The following LBH variants were observed in gnomAD, a reference collection of about 807,000 sequenced individuals.
LBH encodes LBH regulator of Wnt signaling pathway.
A neutral mutation model predicts 12.5 loss-of-function variants in LBH; 7 were observed. The observed-to-expected ratio is 0.56, with a 90% CI of 0.32 to 1.05. The LOEUF is 1.05. Ranked by LOEUF, LBH falls within the 50% of genes least tolerant of loss-of-function variation. The pLI is 0.04. For missense variants in LBH, 119 were observed against 138.9 expected (o/e 0.86, Z 0.72); for synonymous variants, 51 against 50.1 (o/e 1.02, Z -0.08).
chr2:30,232,278 C>G, intron 1 of LBH: 1 of 1,495,618 alleles, frequency 6.7e-7, no homozygotes, highest in Non-Finnish European at 8.9e-7. Flanking sequence ...CGTAACCCCA[C>G]TAAAGCCACA....
At chr2:30,246,069 AT>A (rs1393891772) in intron 2 of LBH, among the ~76,000 whole-genome samples, 1 of 150,290 alleles carries the variant, frequency 6.7e-6, no homozygotes, top group Non-Finnish European at 1.5e-5. Context: ...AGGGATTCTC[AT>A]GCCTCAGCCT....
chr2:30,236,523 A>G (rs896122369), intron 2 of LBH, among the ~76,000 whole-genome samples: 1 of 152,242 alleles, frequency 6.6e-6, no homozygotes, highest in African/African-American at 2.4e-5. Flanking sequence ...TTGGAACTTC[A>G]GAGCACTCTG....
chr2:30,242,222 A>G (rs908042946), intron 2 of LBH, among the ~76,000 whole-genome samples: 3 of 151,974 alleles, frequency 2.0e-5, no homozygotes, highest in African/African-American at 7.3e-5. Flanking sequence ...ACTGTTACAT[A>G]TATGTTATTA....
Position 30,232,427 on chromosome 2 carries a change from G to A in LBH, c.26+663G>A, listed in dbSNP as rs1386786155. The A allele has an allele frequency of 5.1e-6, 3 of 593,236 alleles. No individual in the cohort carries two copies. The Admixed American group carries it at 1.1e-4, about 22-fold the overall frequency. The allele number at this position is 593,236 out of a possible 1,614,324, so 36.7% of individuals were successfully genotyped here. On this transcript the variant is annotated intron_variant, in intron 1 of 2. Transcript: ENST00000395323. ...GGGGAAGGAGCCCGGGCCGGGCGCG[G>A]GGCGTCGGAGGTTTGCCCCGGACTG...
At chr2:30,245,584 CTG>C (rs1281153623) in intron 2 of LBH, among the ~76,000 whole-genome samples, 2 of 152,164 alleles carry the variant, frequency 1.3e-5, no homozygotes, top group African/African-American at 4.8e-5. Context: ...TCTTTGGACA[CTG>C]TGACACAGAG....
At position 30,246,737 on chromosome 2, in the gene LBH, TTC is replaced by T. The variant is rs1335324511; in HGVS notation, c.130-10690_130-10689del. 2.5e-5 allele frequency among the ~76,000 whole-genome samples: 3 copies of T among 121,728 alleles called. No homozygotes were observed. In the Admixed American group the frequency reaches 2.6e-4, roughly 11 times the overall value. 79.9% of individuals were successfully genotyped at this position (121,728 alleles called of 152,430 possible). A position where few individuals can be genotyped will look rare whatever the true frequency, so the allele number is the denominator to read the frequency against. On this transcript the variant is annotated intron_variant, in intron 2 of 2. Transcript: ENST00000395323. ...CTTCACTAGTTTTTTTCCTCTTTCT[TTC>T]TCTCTTTCTCTTTTTTCCTTCCTTC...
In LBH at chr2:30,259,345, A is replaced by T. The variant is rs1678149544; in HGVS notation, c.*1724A>T. 1 of 152,536 alleles carries T rather than the reference A, an allele frequency of 6.6e-6. No individual in the cohort carries two copies. The highest frequency in any genetic ancestry group is 1.5e-5 in the Non-Finnish European group (1 of 68,034). The allele number at this position is 152,536 out of a possible 1,614,324, so 9.4% of individuals were successfully genotyped here. On this transcript the variant is annotated 3_prime_UTR_variant, in exon 3 of 3. Transcript: ENST00000395323. ...CCTCCCTCTGTTGTCTGCCTGTGTGACACACATCAATGGCAATAACTTCTT... is the reference window on the plus strand; with the variant it reads ...CCTCCCTCTGTTGTCTGCCTGTGTGTCACACATCAATGGCAATAACTTCTT...
intron 2 of LBH, among the ~76,000 whole-genome samples, chr2:30,245,217 A>G (rs1198637253): frequency 1.3e-5 from 2 of 152,228 alleles, no homozygotes; most frequent in Non-Finnish European, 2.9e-5. Flanking sequence ...GTAAGAATAC[A>G]AGATTTGACT....
At chr2:30,249,236 T>C (rs1458615962) in intron 2 of LBH, among the ~76,000 whole-genome samples, 1 of 152,222 alleles carries the variant, frequency 6.6e-6, no homozygotes, top group Non-Finnish European at 1.5e-5. Context: ...GATAATAAAA[T>C]AGCAGGAGGC....
intron 2 of LBH, among the ~76,000 whole-genome samples, chr2:30,250,417 G>A (rs1293994112): frequency 6.6e-6 from 1 of 151,900 alleles, no homozygotes; most frequent in African/African-American, 2.4e-5. Flanking sequence ...CTACCTGCTG[G>A]TGTCCGCTTT....
Position 30,257,684 on chromosome 2 carries a change from A to T in LBH, c.*63A>T, listed in dbSNP as rs1162453437. ...TCTGTTCCTGAACTGTGTTTTTCCCATCATGACGGAAGAAGAGAGTGAGCC... is the reference window on the plus strand; with the variant it reads ...TCTGTTCCTGAACTGTGTTTTTCCCTTCATGACGGAAGAAGAGAGTGAGCC... On this transcript the variant is annotated 3_prime_UTR_variant, in exon 3 of 3. Transcript: ENST00000395323. The T allele has an allele frequency of 7.8e-7, 1 of 1,283,226 alleles. No homozygotes were observed. 79.5% of individuals were successfully genotyped at this position (1,283,226 alleles called of 1,614,324 possible).
intron 2 of LBH, among the ~76,000 whole-genome samples, chr2:30,255,003 A>G (rs964240526): frequency 9.2e-5 from 14 of 152,244 alleles, no homozygotes; most frequent in African/African-American, 3.4e-4. Context: ...GCAGCAGCCT[A>G]ATCCATTTTC....
intron 2 of LBH, among the ~76,000 whole-genome samples, chr2:30,249,683 G>A (rs1159171773): frequency 6.6e-6 from 1 of 152,222 alleles, no homozygotes; most frequent in South Asian, 2.1e-4. Context: ...GTGGGCACAA[G>A]CCCAGGAGTG....
chr2:30,256,835 T>C (rs1277798629), intron 2 of LBH: 1 of 156,232 alleles, frequency 6.4e-6, no homozygotes, highest in Non-Finnish European at 1.4e-5. Flanking sequence ...CCAGACCCAG[T>C]TTTCAATCTC....
rs1210272752 is a variant in LBH at position 30,238,929 on chromosome 2, G to A, written c.129+4422G>A. Reference sequence around the variant, plus strand: ...TTTTGAGATGAAGTCTCGCTGTGTCGCCCAGGCTGGAGTGCAGTGGCGCGA... The same window carrying A: ...TTTTGAGATGAAGTCTCGCTGTGTCACCCAGGCTGGAGTGCAGTGGCGCGA... On this transcript the variant is annotated intron_variant, in intron 2 of 2. Coordinates refer to ENST00000395323, the MANE Select transcript of LBH (RefSeq NM_030915.4). 5.4e-5 allele frequency among the ~76,000 whole-genome samples: 7 copies of A among 128,766 alleles called. No homozygotes were observed. The East Asian group carries it at 6.8e-4, about 13-fold the overall frequency. The allele number at this position is 128,766 out of a possible 152,430, so 84.5% of individuals were successfully genotyped here. A position where few individuals can be genotyped will look rare whatever the true frequency, so the allele number is the denominator to read the frequency against.
intron 2 of LBH, among the ~76,000 whole-genome samples, chr2:30,238,338 ACTTC>A (rs2103556889): frequency 6.6e-6 from 1 of 152,212 alleles, no homozygotes; most frequent in East Asian, 1.9e-4. Context: ...TTCATTTAAA[ACTTC>A]CTTCTAAAGC....
At chr2:30,249,926 T>C (rs1314279358) in intron 2 of LBH, among the ~76,000 whole-genome samples, 2 of 152,230 alleles carry the variant, frequency 1.3e-5, no homozygotes, top group African/African-American at 4.8e-5. Flanking sequence ...ACCGCTTCGA[T>C]GAGCCTGTCA....
At chr2:30,248,872 G>T (rs1356944873) in intron 2 of LBH, among the ~76,000 whole-genome samples, 1 of 152,208 alleles carries the variant, frequency 6.6e-6, no homozygotes, top group Non-Finnish European at 1.5e-5. Flanking sequence ...TTTATCCAAA[G>T]GATTTCCTTT....
chr2:30,234,310 A>C, intron 1 of LBH, 95 bp from the exon 2 acceptor site: 1 of 968,362 alleles, frequency 1.0e-6, no homozygotes, highest in South Asian at 1.4e-5. Flanking sequence ...TCCTGTCTCC[A>C]GACAGTCCCC....
Sources: allele counts gnomAD v4.1 joint callset (sites outside exome capture counted in the v4.1 genomes callset), GRCh38; gene constraint gnomAD v4.1.1; transcripts MANE v1.5; gene names NCBI Gene and HGNC (gene_info 2026-07-23, HGNC 2026-07-21).